Variants in SESTD1 observed in about 807,000 individuals in gnomAD.
The protein encoded by SESTD1 is SEC14 and spectrin domain containing 1.
In SESTD1, 43 loss-of-function variants were observed where a neutral mutation model predicts 101.7. The observed-to-expected ratio is 0.42, with a 90% CI of 0.33 to 0.55. SESTD1 has a LOEUF of 0.55. SESTD1 is among the 20% of genes least tolerant of loss of function. SESTD1 has a pLI of 0.07. For missense variants in SESTD1, 647 were observed against 815.1 expected, an observed-to-expected ratio of 0.79 and a Z score of 2.51; for synonymous variants, 283 against 286.8, an observed-to-expected ratio of 0.99 and a Z score of 0.13.
At chr2:179,132,942 T>C (rs1391013681) in intron 9 of SESTD1, among the ~76,000 whole-genome samples, 1 of 152,190 alleles carries the variant, frequency 6.6e-6, no homozygotes, top group East Asian at 1.9e-4. Context: ...AAAAACTGAC[T>C]GAATTAACTA....
chr2:179,149,279 A>T lies in SESTD1; in HGVS notation c.581+18T>A, dbSNP rs370190308. ...TATAGTTTTGCAAGGATATAATTGC[A>T]TGCCACTAGCCACCTACCTTTCTTT... On this transcript the variant is annotated intron_variant, in intron 7 of 17. Transcript: ENST00000428443. 2 of 1,565,844 alleles carry T rather than the reference A, an allele frequency of 1.3e-6. No homozygotes were observed. The highest frequency in any genetic ancestry group is 1.8e-6 in the Non-Finnish European group (2 of 1,142,748).
At chr2:179,217,808 G>C (rs1212374485) in intron 1 of SESTD1, among the ~76,000 whole-genome samples, 1 of 152,090 alleles carries the variant, frequency 6.6e-6, no homozygotes. Flanking sequence ...CCATAAAAAA[G>C]GATGAGTTCA....
chr2:179,203,515 A>T (rs529617136), intron 1 of SESTD1, among the ~76,000 whole-genome samples: 3 of 133,888 alleles, frequency 2.2e-5, no homozygotes, highest in East Asian at 4.0e-4. Context: ...CAGAGAGGCC[A>T]TGGAAGGTCC....
chr2:179,201,695 T>C (rs2046514429), intron 1 of SESTD1, among the ~76,000 whole-genome samples: 1 of 123,660 alleles, frequency 8.1e-6, no homozygotes, highest in Non-Finnish European at 1.7e-5. Flanking sequence ...ACACCGCATA[T>C]TCTCACTCAT....
chr2:179,140,139 A>G (rs1345436645), intron 9 of SESTD1, among the ~76,000 whole-genome samples: 1 of 152,056 alleles, frequency 6.6e-6, no homozygotes, highest in Non-Finnish European at 1.5e-5. Flanking sequence ...CCCCCTCAAC[A>G]CTTTCAAGCA....
intron 4 of SESTD1, among the ~76,000 whole-genome samples, chr2:179,172,530 A>C (rs528364418): frequency 6.6e-6 from 1 of 152,324 alleles, no homozygotes; most frequent in Non-Finnish European, 1.5e-5. Flanking sequence ...AAACTGTAAG[A>C]GTTAATTTTT....
chr2:179,167,658 T>C (rs143096819), intron 5 of SESTD1, among the ~76,000 whole-genome samples: 1 of 152,212 alleles, frequency 6.6e-6, no homozygotes, highest in African/African-American at 2.4e-5. Flanking sequence ...GCAAATAACA[T>C]ACACAGAGGA....
chr2:179,146,541 GAACAGGGGCAC>G, intron 7 of SESTD1, 84 bp from the exon 8 acceptor site: 1 of 1,118,962 alleles, frequency 8.9e-7, no homozygotes. Flanking sequence ...TAAAAAAACA[GAACAGGGGCAC>G]AAAAGTATGA....
At chr2:179,257,117 GT>G (rs552991830) in intron 1 of SESTD1, among the ~76,000 whole-genome samples, 458 of 148,164 alleles carry the variant, frequency 3.1e-3, no homozygotes, top group Non-Finnish European at 5.5e-3. Context: ...GTGGGTTGTT[GT>G]TTTTTTTTCA....
chr2:179,243,467 T>C (rs973783095), intron 1 of SESTD1, among the ~76,000 whole-genome samples: 2 of 152,148 alleles, frequency 1.3e-5, no homozygotes, highest in South Asian at 2.1e-4. Flanking sequence ...TTTATGTTCA[T>C]TGCAACACTA....
chr2:179,155,491 T>C (rs2045610648), intron 5 of SESTD1, among the ~76,000 whole-genome samples: 1 of 152,070 alleles, frequency 6.6e-6, no homozygotes. Flanking sequence ...TGGCTCATGT[T>C]TGTAATCCCA....
rs902976921 is a variant in SESTD1, at chr2:179,176,312, GAT to G, written c.255+134_255+135del. On this transcript the variant is annotated intron_variant, in intron 4 of 17. Coordinates refer to ENST00000428443, the MANE Select transcript of SESTD1 (RefSeq NM_178123.5). ...AGTTGAATTTGAACAATCCAATAGT[GAT>G]AAGTGCATTTTCACAACTCAGTCAC... The G allele has an allele frequency of 1.1e-5, 7 of 654,576 alleles. No individual in the cohort carries two copies. The African/African-American group carries it at 1.3e-4, about 12-fold the overall frequency. The allele number at this position is 654,576 out of a possible 1,614,324, so 40.5% of individuals were successfully genotyped here. A position where few individuals can be genotyped will look rare whatever the true frequency, so the allele number is the denominator to read the frequency against.
intron 5 of SESTD1, among the ~76,000 whole-genome samples, chr2:179,156,783 C>T (rs1559119228): frequency 6.6e-6 from 1 of 152,132 alleles, no homozygotes. Flanking sequence ...TCTGTTTACT[C>T]TGCTGACTGT....
chr2:179,185,202 C>A (rs72951291), intron 2 of SESTD1, among the ~76,000 whole-genome samples: 14 of 151,662 alleles, frequency 9.2e-5, no homozygotes, highest in Non-Finnish European at 1.8e-4. Context: ...CATAAAAATG[C>A]ATACTGCTGA....
At chr2:179,204,621 A>G (rs919858288) in intron 1 of SESTD1, among the ~76,000 whole-genome samples, 2 of 134,648 alleles carry the variant, frequency 1.5e-5, no homozygotes, top group Admixed American at 1.4e-4. Flanking sequence ...TAGCCAAAAA[A>G]ACCTCTCTAC....
chr2:179,260,079 A>C (rs1027921390), intron 1 of SESTD1, among the ~76,000 whole-genome samples: 4 of 152,234 alleles, frequency 2.6e-5, no homozygotes, highest in Non-Finnish European at 5.9e-5. Flanking sequence ...CATAATTATA[A>C]TAACTGTAGT....
rs1402036338 is a variant in SESTD1 at position 179,104,128 on chromosome 2, G to A, written c.*5771C>T. ...TAGTTTTGCTGAGAATTTCATTACT[G>A]ATTTTATGACAGTAAGATCATCAAA... On this transcript the variant is annotated 3_prime_UTR_variant, in exon 18 of 18. Transcript: ENST00000428443. The A allele has an allele frequency of 6.6e-6, 1 of 152,062 alleles. No individual in the cohort carries two copies. The highest frequency in any genetic ancestry group is 1.5e-5 in the Non-Finnish European group (1 of 67,998). The allele number at this position is 152,062 out of a possible 1,614,324, so 9.4% of individuals were successfully genotyped here. A position where few individuals can be genotyped will look rare whatever the true frequency, so the allele number is the denominator to read the frequency against.
intron 5 of SESTD1, among the ~76,000 whole-genome samples, chr2:179,151,827 G>A (rs1400529656): frequency 6.6e-6 from 1 of 152,000 alleles, no homozygotes; most frequent in Non-Finnish European, 1.5e-5. Flanking sequence ...ATGTTCCTTT[G>A]ATTACATATA....
rs375562576 is a variant in SESTD1, at chr2:179,208,151, C to T, written c.-25-16285G>A. The stretch of plus-strand genomic sequence containing the variant: ...CTTCAGAGCTCAAAGACAAGGCTTT[C>T]GAATTAATGAAATCCAAAAACGACA... On this transcript the variant is annotated intron_variant, in intron 1 of 17. Coordinates refer to ENST00000428443, the MANE Select transcript of SESTD1 (RefSeq NM_178123.5). Among the ~76,000 whole-genome samples, 65 of 133,804 alleles carry T rather than the reference C, an allele frequency of 4.9e-4. 20 individuals carry two copies. The South Asian group carries it at 0.017, about 35-fold the overall frequency. The allele number at this position is 133,804 out of a possible 152,430, so 87.8% of individuals were successfully genotyped here.
Sources: gnomAD v4.1 joint callset for allele counts (sites outside exome capture counted in the v4.1 genomes callset) on GRCh38, gnomAD v4.1.1 for gene constraint, MANE v1.5 for transcripts, NCBI Gene and HGNC (gene_info 2026-07-23, HGNC 2026-07-21) for gene names.